Variants in CCDC91 observed in about 807,000 individuals in gnomAD.
CCDC91 encodes coiled-coil domain-containing protein 91.
A neutral mutation model predicts 63.2 loss-of-function variants in CCDC91; 48 were observed. The observed-to-expected ratio is 0.76, with a 90% CI of 0.60 to 0.97. The LOEUF is 0.97. Among genes scored for constraint, CCDC91 ranks in the 50% least tolerant of loss-of-function variants. The pLI is 0.00. For synonymous variants in CCDC91, 167 were observed against 165.8 expected (o/e 1.01, Z -0.06); for missense variants, 500 against 494.6 (o/e 1.01, Z -0.10).
chr12:28,477,082 A>C (rs1008375848), intron 11 of CCDC91, among the ~76,000 whole-genome samples: 6 of 151,990 alleles, frequency 3.9e-5, no homozygotes, highest in Non-Finnish European at 7.4e-5. Context: ...GAAACTATCC[A>C]AATCAATAGA....
At chr12:28,522,338 A>G (rs1390730606) in intron 12 of CCDC91, among the ~76,000 whole-genome samples, 2 of 152,124 alleles carry the variant, frequency 1.3e-5, no homozygotes, top group Non-Finnish European at 2.9e-5. Context: ...CTTTTCTTCT[A>G]GATTTTCTAG....
intron 1 of CCDC91, among the ~76,000 whole-genome samples, chr12:28,243,139 G>A (rs1252248892): frequency 6.6e-6 from 1 of 152,188 alleles, no homozygotes; most frequent in Non-Finnish European, 1.5e-5. Flanking sequence ...ACAGCAAACA[G>A]ACTTCATTTC....
At chr12:28,245,639 C>A (rs1475638919) in intron 1 of CCDC91, among the ~76,000 whole-genome samples, 7 of 151,990 alleles carry the variant, frequency 4.6e-5, no homozygotes, top group Non-Finnish European at 1.0e-4. Context: ...CAATTAAAAA[C>A]ACAACACAGT....
At position 28,336,378 on chromosome 12, in the gene CCDC91, C is replaced by T. The variant is rs539134906; in HGVS notation, c.577-26060C>T. ...TTTTAAGTGTGATTTTTAAAGTGCT[C>T]CTTAAGTCCTAATAGAACAAAAAAG... On this transcript the variant is annotated intron_variant, in intron 6 of 12. Transcript: ENST00000536442. 5.9e-5 allele frequency among the ~76,000 whole-genome samples: 9 copies of T among 152,068 alleles called. 1 individual carries two copies. The South Asian group carries it at 1.9e-3, about 32-fold the overall frequency.
chr12:28,506,200 A>G (rs1938689245), intron 12 of CCDC91, among the ~76,000 whole-genome samples: 1 of 152,002 alleles, frequency 6.6e-6, no homozygotes, highest in Non-Finnish European at 1.5e-5. Context: ...TTGAAAGGTT[A>G]TCAGAGGCAT....
chr12:28,224,434 A>C (rs1407674570), intron 1 of CCDC91, among the ~76,000 whole-genome samples: 1 of 152,018 alleles, frequency 6.6e-6, no homozygotes, highest in Non-Finnish European at 1.5e-5. Context: ...TATAGGGGGG[A>C]GTATTTCCTC....
chr12:28,515,249 A>G (rs1939819607), intron 12 of CCDC91, among the ~76,000 whole-genome samples: 1 of 151,890 alleles, frequency 6.6e-6, no homozygotes, highest in African/African-American at 2.4e-5. Context: ...TTGAAAGGCT[A>G]AAAATGACTG....
intron 8 of CCDC91, among the ~76,000 whole-genome samples, chr12:28,393,138 T>C (rs958002915): frequency 1.1e-4 from 17 of 152,072 alleles, no homozygotes; most frequent in African/African-American, 3.6e-4. Context: ...GTCTTGTAGG[T>C]TTTTTATTTT....
At chr12:28,237,420 C>T (rs1035987981) in intron 1 of CCDC91, among the ~76,000 whole-genome samples, 1 of 152,032 alleles carries the variant, frequency 6.6e-6, no homozygotes, top group African/African-American at 2.4e-5. Flanking sequence ...ATTATCTGTG[C>T]GGGTCCTAAA....
intron 3 of CCDC91, among the ~76,000 whole-genome samples, chr12:28,280,595 T>C (rs1264645230): frequency 3.3e-5 from 5 of 152,130 alleles, no homozygotes; most frequent in Non-Finnish European, 5.9e-5. Context: ...GAAGAACATA[T>C]AGGTAAATGA....
At chr12:28,288,127 T>C (rs1346305670) in intron 3 of CCDC91, among the ~76,000 whole-genome samples, 3 of 152,216 alleles carry the variant, frequency 2.0e-5, no homozygotes, top group African/African-American at 4.8e-5. Context: ...TTTCTAGATA[T>C]AGAATCATGT....
At chr12:28,370,803 C>T (rs1280918384) in intron 7 of CCDC91, among the ~76,000 whole-genome samples, 1 of 150,666 alleles carries the variant, frequency 6.6e-6, no homozygotes, top group Non-Finnish European at 1.5e-5. Flanking sequence ...GAAGCAAGCA[C>T]CTTCTTCGCA....
chr12:28,343,645 T>C (rs1019544785), intron 6 of CCDC91, among the ~76,000 whole-genome samples: 7 of 152,196 alleles, frequency 4.6e-5, no homozygotes, highest in African/African-American at 1.7e-4. Flanking sequence ...GGAATGTTCC[T>C]TTTTCATCTT....
chr12:28,481,482 C>T (rs1951443738), intron 11 of CCDC91, among the ~76,000 whole-genome samples: 1 of 151,974 alleles, frequency 6.6e-6, no homozygotes, highest in South Asian at 2.1e-4. Flanking sequence ...CTCTTCATTC[C>T]TTGCAAGCTA....
intron 12 of CCDC91, among the ~76,000 whole-genome samples, chr12:28,536,115 C>A (rs796995745): frequency 9.2e-5 from 14 of 151,924 alleles, no homozygotes; most frequent in African/African-American, 3.4e-4. Flanking sequence ...GGCAAAGGGA[C>A]CAGTTCTATA....
chr12:28,433,490 A>G (rs1480600106), intron 8 of CCDC91, among the ~76,000 whole-genome samples: 2 of 151,774 alleles, frequency 1.3e-5, no homozygotes, highest in African/African-American at 2.4e-5. Flanking sequence ...TCTCCATTTT[A>G]TTCCTTTGCC....
chr12:28,317,844 G>C (rs1304133735), intron 6 of CCDC91, among the ~76,000 whole-genome samples: 1 of 151,646 alleles, frequency 6.6e-6, no homozygotes, highest in African/African-American at 2.4e-5. Flanking sequence ...CTTTTTATCA[G>C]TATTTGCAGA....
At chr12:28,440,060 A>G (rs1949107053) in intron 8 of CCDC91, among the ~76,000 whole-genome samples, 1 of 152,030 alleles carries the variant, frequency 6.6e-6, no homozygotes, top group African/African-American at 2.4e-5. Flanking sequence ...ACTCTTCACT[A>G]TTTTTGGATG....
At chr12:28,513,091 A>G (rs1939554712) in intron 12 of CCDC91, among the ~76,000 whole-genome samples, 1 of 151,916 alleles carries the variant, frequency 6.6e-6, no homozygotes, top group Non-Finnish European at 1.5e-5. Context: ...TAAATTGTTC[A>G]GAACCCTGCC....
Sources: gnomAD v4.1 joint callset for allele counts (sites outside exome capture counted in the v4.1 genomes callset) on GRCh38, gnomAD v4.1.1 for gene constraint, MANE v1.5 for transcripts, NCBI Gene and HGNC (gene_info 2026-07-23, HGNC 2026-07-21) for gene names.